The following NBEAL1 variants were observed in gnomAD, a reference collection of about 807,000 sequenced individuals.
The protein encoded by NBEAL1 is neurobeachin like 1, also known as neurobeachin-like protein 1.
A neutral mutation model predicts 351.3 loss-of-function variants in NBEAL1; 273 were observed. That is an observed-to-expected ratio of 0.78 (90% CI 0.70 to 0.86). The LOEUF (loss-of-function observed/expected upper bound fraction) is 0.86. NBEAL1 is among the 40% of genes least tolerant of loss of function. The pLI, the probability that NBEAL1 is intolerant of heterozygous loss-of-function variation, is 0.00. For synonymous variants in NBEAL1, 1,050 were observed against 1,086.4 expected (o/e 0.97, Z 0.66); for missense variants, 2,961 against 3,201.3 (o/e 0.92, Z 1.81).
intron 7 of NBEAL1, among the ~76,000 whole-genome samples, chr2:203,073,375 A>C (rs892308179): frequency 1.2e-4 from 19 of 152,254 alleles, no homozygotes; most frequent in African/African-American, 4.6e-4. Flanking sequence ...GTATTTCTTC[A>C]TGTATCCTTC....
chr2:203,026,084 A>G (rs747945350), intron 2 of NBEAL1, among the ~76,000 whole-genome samples: 3 of 152,312 alleles, frequency 2.0e-5, no homozygotes, highest in South Asian at 2.1e-4. Context: ...TAACTCCTAC[A>G]TAATATTCTA....
chr2:203,164,248 T>C (rs1395726366), intron 36 of NBEAL1, among the ~76,000 whole-genome samples: 1 of 151,960 alleles, frequency 6.6e-6, no homozygotes, highest in Non-Finnish European at 1.5e-5. Flanking sequence ...TGAGACCCCA[T>C]CTAAAAATAT....
At chr2:203,171,677 G>GTT (rs5837844) in intron 39 of NBEAL1, among the ~76,000 whole-genome samples, 5,632 of 148,172 alleles carry the variant, frequency 0.038, 301 homozygotes, top group African/African-American at 0.12. Context: ...AAAAGACAAG[G>GTT]TTTTTTTTTT....
At chr2:203,120,728 A>G (rs776591522) in intron 18 of NBEAL1, among the ~76,000 whole-genome samples, 2 of 152,188 alleles carry the variant, frequency 1.3e-5, no homozygotes, top group Non-Finnish European at 2.9e-5. Context: ...AAATGGTCTT[A>G]AGCTGCAGTG....
In NBEAL1 at chr2:203,169,848, A is replaced by C; in HGVS notation, c.6099A>C (p.Thr2033=). 1 of 1,572,800 alleles carries C rather than the reference A, an allele frequency of 6.4e-7. No homozygotes were observed. The highest frequency in any genetic ancestry group is 8.7e-7 in the Non-Finnish European group (1 of 1,149,742). The change falls in exon 39 of 56, where the codon ACA becomes ACC. Residue 2033 remains threonine, a synonymous_variant. Coordinates refer to ENST00000683969, the MANE Select transcript of NBEAL1 (RefSeq NM_001378026.1). ...PQELFKASGL[T]QKWVNREISN... ...AGTTATTCAAAGCATCAGGATTGAC[A>C]CAGGTAGGAAATTGTAATAGTCTCT... is the stretch of plus-strand genomic sequence containing the variant.
At position 203,166,255 on chromosome 2, in the gene NBEAL1, C is replaced by G. The variant is rs773357400; in HGVS notation, c.5821C>G (p.Gln1941Glu). The change falls in exon 37 of 56, where the codon CAA becomes GAA. Residue 1941 changes from glutamine (Q) to glutamate (E), a missense_variant. Transcript: ENST00000683969. ...TCCTGGCAGATTAGAAATCACTACTCAACACATTTACTTCTATGATGGCAG... is the reference window on the plus strand; with the variant it reads ...TCCTGGCAGATTAGAAATCACTACTGAACACATTTACTTCTATGATGGCAG... Reference protein sequence around the residue: ...VIPGRLEITTQHIYFYDGSIE... With the variant: ...VIPGRLEITTEHIYFYDGSIE... 7 of 1,611,434 alleles carry G rather than the reference C, an allele frequency of 4.3e-6. No homozygotes were observed. Among genetic ancestry groups the G allele is most frequent in the Non-Finnish European group, 5.1e-6 (6 of 1,179,216 alleles).
chr2:203,110,723 C>G (rs7582010), intron 15 of NBEAL1, among the ~76,000 whole-genome samples: 1 of 140,948 alleles, frequency 7.1e-6, no homozygotes, highest in Non-Finnish European at 1.5e-5. Context: ...ATATATAGAA[C>G]GTTAGGATGT....
intron 10 of NBEAL1, among the ~76,000 whole-genome samples, chr2:203,091,222 G>A (rs530502792): frequency 1.9e-4 from 29 of 152,196 alleles, no homozygotes; most frequent in African/African-American, 7.0e-4. Flanking sequence ...TCATAAAGGT[G>A]GAATCATATA....
chr2:203,030,963 T>G (rs1343785913), intron 2 of NBEAL1, among the ~76,000 whole-genome samples: 1 of 152,232 alleles, frequency 6.6e-6, no homozygotes, highest in African/African-American at 2.4e-5. Context: ...TGCAGTGAGC[T>G]GTTGTTGCTA....
intron 25 of NBEAL1, among the ~76,000 whole-genome samples, chr2:203,130,833 A>G (rs2063055866): frequency 6.6e-6 from 1 of 152,170 alleles, no homozygotes; most frequent in South Asian, 2.1e-4. Context: ...AGTACTTTTC[A>G]TATATTGGCT....
At chr2:203,140,557 A>G (rs2063340244) in intron 31 of NBEAL1, among the ~76,000 whole-genome samples, 1 of 152,030 alleles carries the variant, frequency 6.6e-6, no homozygotes, top group African/African-American at 2.4e-5. Flanking sequence ...ATTCAATTGT[A>G]GAAAACTTGG....
At chr2:203,037,709 C>A (rs1165802259) in intron 2 of NBEAL1, among the ~76,000 whole-genome samples, 2 of 148,992 alleles carry the variant, frequency 1.3e-5, no homozygotes, top group Non-Finnish European at 3.0e-5. Flanking sequence ...GTGGCTCAAC[C>A]TATAATCCCA....
chr2:203,080,479 T>C (rs1166811859), intron 8 of NBEAL1, among the ~76,000 whole-genome samples: 1 of 152,214 alleles, frequency 6.6e-6, no homozygotes, highest in Non-Finnish European at 1.5e-5. Context: ...TGCTCTGTTT[T>C]GTTTTCTCTC....
At chr2:203,149,196 G>T in intron 34 of NBEAL1, 48 bp downstream of exon 34, 2 of 1,426,888 alleles carry the variant, frequency 1.4e-6, no homozygotes. Context: ...TTAGTACTCT[G>T]GTCTAGAAAT....
Position 203,049,840 on chromosome 2 carries a change from C to T in NBEAL1, c.170C>T (p.Ser57Phe), listed in dbSNP as rs760022403. 664 of 1,553,022 alleles carry T rather than the reference C, an allele frequency of 4.3e-4. No homozygotes were observed. Among genetic ancestry groups the T allele is most frequent in the Non-Finnish European group, 5.2e-4 (596 of 1,146,794 alleles). ...GTAGATGATATGCCTCCAGGAATATCTCTGCTTCCTGATAATATTCTGCAG... is the reference window on the plus strand; with the variant it reads ...GTAGATGATATGCCTCCAGGAATATTTCTGCTTCCTGATAATATTCTGCAG... ...TRVDDMPPGI[S>F]LLPDNILQVL... The change falls in exon 4 of 56, where the codon TCT (serine) becomes TTT (phenylalanine). Residue 57 changes from serine (S) to phenylalanine (F), a missense_variant. Transcript: ENST00000683969.
intron 18 of NBEAL1, among the ~76,000 whole-genome samples, chr2:203,122,038 G>A (rs1483406019): frequency 3.9e-5 from 6 of 151,928 alleles, no homozygotes; most frequent in Admixed American, 6.6e-5. Context: ...CACCTGCCTC[G>A]GCCTCCCAAA....
rs902857191 is a variant in NBEAL1 at position 203,035,121 on chromosome 2, C to T, written c.52-6644C>T. Among the ~76,000 whole-genome samples the T allele has an allele frequency of 5.4e-5, 8 of 149,112 alleles. 1 individual carries two copies. The highest frequency in any genetic ancestry group is 1.2e-4 in the Non-Finnish European group (8 of 66,504). On this transcript the variant is annotated intron_variant, in intron 2 of 55. Coordinates refer to ENST00000683969, the MANE Select transcript of NBEAL1 (RefSeq NM_001378026.1). ...GGAAATTGCATGGATGATTTAATTC[C>T]ATTATCCTCTCTAAAGCCTCCCAAA...
intron 8 of NBEAL1, among the ~76,000 whole-genome samples, chr2:203,082,927 T>G (rs1323096782): frequency 6.6e-6 from 1 of 152,228 alleles, no homozygotes; most frequent in African/African-American, 2.4e-5. Context: ...TCCTTCCCTT[T>G]TTGTTTATAA....
chr2:203,120,235 A>G (rs2062799085), intron 18 of NBEAL1, among the ~76,000 whole-genome samples: 1 of 152,202 alleles, frequency 6.6e-6, no homozygotes, highest in African/African-American at 2.4e-5. Context: ...CCTGAGAGGT[A>G]TATGGTATTA....
Sources: allele counts gnomAD v4.1 joint callset (sites outside exome capture counted in the v4.1 genomes callset), GRCh38; gene constraint gnomAD v4.1.1; transcripts MANE v1.5; gene names NCBI Gene and HGNC (gene_info 2026-07-23, HGNC 2026-07-21).